ANKFN1: variants seen among roughly 807,000 people sequenced by gnomAD.
The protein encoded by ANKFN1 is ankyrin repeat and fibronectin type III domain containing 1, also known as ankyrin repeat and fibronectin type-III domain-containing protein 1.
Under a neutral mutation model 108.7 loss-of-function variants are expected in ANKFN1, and 74 were observed. The ratio of observed to expected loss-of-function variants is 0.68; its 90% CI spans 0.56 to 0.83. ANKFN1 has a LOEUF of 0.83. Among genes scored for constraint, ANKFN1 ranks in the 40% least tolerant of loss-of-function variants. The pLI is 0.00. For missense variants in ANKFN1, 1,505 were observed against 1,382.3 expected, an observed-to-expected ratio of 1.09 and a Z score of -1.41; for synonymous variants, 547 against 516.2, an observed-to-expected ratio of 1.06 and a Z score of -0.81.
At position 56,513,344 on chromosome 17, in the gene ANKFN1, C is replaced by T. The variant is rs1007170356; in HGVS notation, c.*2075C>T. ...AGGAATACAGACTTCATGTAATACACATCTAAGTTAACTTAATTAAACAGC... is the reference window on the plus strand; with the variant it reads ...AGGAATACAGACTTCATGTAATACATATCTAAGTTAACTTAATTAAACAGC... On this transcript the variant is annotated 3_prime_UTR_variant, in exon 21 of 21. Coordinates refer to ENST00000682825, the MANE Select transcript of ANKFN1 (RefSeq NM_001370326.1). 2.0e-5 allele frequency among the ~76,000 whole-genome samples: 3 copies of T among 152,200 alleles called. No individual in the cohort carries two copies. The highest frequency in any genetic ancestry group is 4.4e-5 in the Non-Finnish European group (3 of 68,038).
chr17:56,384,934 A>C (rs894154047), intron 8 of ANKFN1, among the ~76,000 whole-genome samples: 10 of 151,722 alleles, frequency 6.6e-5, no homozygotes, highest in African/African-American at 1.9e-4. Context: ...CCATCAAGCT[A>C]CCAATGACTT....
intron 8 of ANKFN1, among the ~76,000 whole-genome samples, chr17:56,375,192 G>T (rs370426312): frequency 6.6e-6 from 1 of 152,176 alleles, no homozygotes; most frequent in Non-Finnish European, 1.5e-5. Context: ...AGATAAAATG[G>T]TGGGATCAGT....
intron 3 of ANKFN1, among the ~76,000 whole-genome samples, chr17:56,292,902 T>C (rs1649313514): frequency 6.6e-6 from 1 of 152,206 alleles, no homozygotes; most frequent in East Asian, 1.9e-4. Flanking sequence ...CCCATTATAA[T>C]TACAATGTCT....
At chr17:56,201,382 C>A (rs1914046324) in intron 1 of ANKFN1, among the ~76,000 whole-genome samples, 1 of 152,150 alleles carries the variant, frequency 6.6e-6, no homozygotes, top group African/African-American at 2.4e-5. Context: ...AGTAGACTGC[C>A]TTATTGTACA....
At chr17:56,320,825 A>G (rs1227968458) in intron 3 of ANKFN1, among the ~76,000 whole-genome samples, 1 of 152,138 alleles carries the variant, frequency 6.6e-6, no homozygotes, top group Non-Finnish European at 1.5e-5. Context: ...ATCCCACATG[A>G]TTAGTTCAGA....
At chr17:56,387,852 A>G (rs2047319093) in intron 8 of ANKFN1, among the ~76,000 whole-genome samples, 1 of 152,096 alleles carries the variant, frequency 6.6e-6, no homozygotes, top group Non-Finnish European at 1.5e-5. Flanking sequence ...TTTCTAGGAC[A>G]TTTGCAATGC....
chr17:56,144,318 A>G (rs10491197), intron 4 of ANKFN1, among the ~76,000 whole-genome samples: 30,139 of 152,100 alleles, frequency 0.2, 3,652 homozygotes, highest in African/African-American at 0.33. Context: ...AGTACACCAC[A>G]GGTTGCACTT....
intron 1 of ANKFN1, among the ~76,000 whole-genome samples, chr17:56,154,003 G>A (rs1039312590): frequency 2.0e-5 from 3 of 151,568 alleles, no homozygotes; most frequent in African/African-American, 7.3e-5. Context: ...TGATGGAGAA[G>A]TAAAATTTTT....
At chr17:56,356,780 G>C (rs1418262511) in intron 6 of ANKFN1, among the ~76,000 whole-genome samples, 1 of 152,092 alleles carries the variant, frequency 6.6e-6, no homozygotes, top group Non-Finnish European at 1.5e-5. Context: ...AGAATCAGAG[G>C]GTCTGAACAT....
intron 4 of ANKFN1, among the ~76,000 whole-genome samples, chr17:56,123,986 A>G (rs1245360245): frequency 2.0e-5 from 3 of 152,120 alleles, no homozygotes; most frequent in South Asian, 2.1e-4. Context: ...TGGGCTGGCA[A>G]TTAGTCACAC....
intron 4 of ANKFN1, among the ~76,000 whole-genome samples, chr17:56,336,847 G>A (rs969570433): frequency 3.3e-5 from 5 of 152,230 alleles, no homozygotes; most frequent in African/African-American, 1.2e-4. Context: ...GCTTTCTCTT[G>A]TGGGCATTTA....
At chr17:56,074,933 T>C (rs774673789) in intron 4 of ANKFN1, among the ~76,000 whole-genome samples, 1 of 152,212 alleles carries the variant, frequency 6.6e-6, no homozygotes, top group Non-Finnish European at 1.5e-5. Context: ...CCATATTTTG[T>C]ACAGCATGTT....
intron 8 of ANKFN1, among the ~76,000 whole-genome samples, chr17:56,391,521 A>G (rs960798656): frequency 6.6e-6 from 1 of 151,212 alleles, no homozygotes; most frequent in Non-Finnish European, 1.5e-5. Context: ...CTGCCCCTCC[A>G]GGTTTAAGCA....
chr17:56,449,000 C>T, intron 10 of ANKFN1, 79 bp from the exon 11 acceptor site: 3 of 1,258,056 alleles, frequency 2.4e-6, no homozygotes, highest in Non-Finnish European at 3.4e-6. Flanking sequence ...ATGAGCAAAA[C>T]TCCGGCTCCT....
rs144568052 is a variant in ANKFN1, at chr17:56,082,439, C to CAA, written c.288+36115_288+36116insAA. Among the ~76,000 whole-genome samples the CAA allele has an allele frequency of 2.0e-3, 296 of 148,342 alleles. 1 individual carries two copies. The highest frequency in any genetic ancestry group is 3.5e-3 in the Middle Eastern group (1 of 288). ...TTTCCTCAAATCCCTATCACACACA[C>CAA]ACAAAAAAAAACCACGAGGCACTGA... On this transcript the variant is annotated intron_variant, in intron 4 of 12. Coordinates refer to the ANKFN1 transcript ENST00000635860.
chr17:56,186,076 G>A (rs891996865), intron 1 of ANKFN1, among the ~76,000 whole-genome samples: 3 of 152,068 alleles, frequency 2.0e-5, no homozygotes, highest in Admixed American at 6.6e-5. Context: ...CCATCTCCCC[G>A]CTTTCTACTT....
At chr17:56,295,480 C>G (rs1413049680) in intron 3 of ANKFN1, among the ~76,000 whole-genome samples, 2 of 152,164 alleles carry the variant, frequency 1.3e-5, no homozygotes, top group Non-Finnish European at 2.9e-5. Context: ...AGCAGATACT[C>G]TGGGATGGGG....
intron 4 of ANKFN1, among the ~76,000 whole-genome samples, chr17:56,134,374 G>A (rs36060993): frequency 0.053 from 8,120 of 152,158 alleles, 321 homozygotes; most frequent in Middle Eastern, 0.13. Context: ...TCCATTTCCA[G>A]CCACTCTCCC....
At position 56,326,248 on chromosome 17, in the gene ANKFN1, A is replaced by G. The variant is rs756414931; in HGVS notation, c.81A>G (p.Ala27=). 11 of 1,613,772 alleles carry G rather than the reference A, an allele frequency of 6.8e-6. No homozygotes were observed. In the South Asian group the frequency reaches 7.7e-5, roughly 11 times the overall value. ...KIIGRRFACF[A]QRLSHRRKQS... ...TAGGAAGGAGATTCGCTTGCTTTGC[A>G]CAGAGGCTGAGCCACAGGAGAAAGC... The change falls in exon 4 of 21, where the codon GCA becomes GCG. Residue 27 remains alanine, a synonymous_variant. Transcript: ENST00000682825.
Sources: allele counts gnomAD v4.1 joint callset (sites outside exome capture counted in the v4.1 genomes callset), GRCh38; gene constraint gnomAD v4.1.1; transcripts MANE v1.5; gene names NCBI Gene and HGNC (gene_info 2026-07-23, HGNC 2026-07-21).